The following ZNF638 variants were observed in gnomAD, a reference collection of about 807,000 sequenced individuals.
ZNF638 encodes the protein CTCL tumor antigen se33-1.
ZNF638 carries 46 observed loss-of-function variants against 195.6 expected under a neutral mutation model. The observed-to-expected ratio is 0.24, with a 90% CI of 0.19 to 0.30. The LOEUF (loss-of-function observed/expected upper bound fraction) is 0.30. Ranked by LOEUF, ZNF638 falls within the 10% of genes least tolerant of loss-of-function variation. The pLI, the probability that ZNF638 is intolerant of heterozygous loss-of-function variation, is 1.00. For synonymous variants in ZNF638, 845 were observed against 772.0 expected (o/e 1.09, Z -1.57); for missense variants, 2,440 against 2,325.3 (o/e 1.05, Z -1.01).
chr2:71,389,925 C>T (rs749582867), intron 10 of ZNF638, among the ~76,000 whole-genome samples: 3 of 152,156 alleles, frequency 2.0e-5, no homozygotes, highest in South Asian at 2.1e-4. Flanking sequence ...TACACGAGCA[C>T]GTCAACTGGT....
At chr2:71,344,854 T>G (rs2078824314) in intron 1 of ZNF638, among the ~76,000 whole-genome samples, 3 of 152,224 alleles carry the variant, frequency 2.0e-5, no homozygotes, top group African/African-American at 7.2e-5. Context: ...ACAAGCATCC[T>G]TTTAGTTAAA....
chr2:71,419,389 ACAG>A (rs2152597719), intron 21 of ZNF638, among the ~76,000 whole-genome samples: 1 of 152,300 alleles, frequency 6.6e-6, no homozygotes, highest in South Asian at 2.1e-4. Context: ...TTTGTTTGAA[ACAG>A]CAGTTTGAAA....
chr2:71,427,595 A>G (rs887322743), intron 24 of ZNF638, among the ~76,000 whole-genome samples, 181 bp downstream of exon 24: 4 of 152,220 alleles, frequency 2.6e-5, no homozygotes, highest in Non-Finnish European at 5.9e-5. Flanking sequence ...ACAGTTTTTT[A>G]AAGTTTTACA....
rs1473662234 is a variant in ZNF638, at chr2:71,349,666, G to T, written c.712G>T (p.Val238Phe). ...TGATCCTGAAATTCCAACTGATGAGGTCGAGAATGAATTTCAGTCACAGCA... is the reference window on the plus strand; with the variant it reads ...TGATCCTGAAATTCCAACTGATGAGTTCGAGAATGAATTTCAGTCACAGCA... The part of the protein sequence containing the change: ...IYDPEIPTDE[V>F]ENEFQSQQNI... The change falls in exon 2 of 28, where the codon GTC (valine) becomes TTC (phenylalanine). Residue 238 changes from valine to phenylalanine, a missense_variant. This residue lies in a region of ZNF638 where 305 missense variants were observed against 283.6 expected (regional missense o/e 1.08). Coordinates refer to ENST00000264447, the MANE Select transcript of ZNF638 (RefSeq NM_014497.5). 6.2e-7 allele frequency: 1 copy of T among 1,614,046 alleles called. No homozygotes were observed. Among genetic ancestry groups the T allele is most frequent in the East Asian group, 2.2e-5 (1 of 44,896 alleles).
chr2:71,433,026 G>A, intron 26 of ZNF638, 139 bp from the exon 27 acceptor site: 1 of 691,116 alleles, frequency 1.4e-6, no homozygotes, highest in South Asian at 1.7e-5. Context: ...GGCAGAGGTT[G>A]CAGTGAGCTG....
At chr2:71,411,474 A>AT (rs537942317) in intron 20 of ZNF638, among the ~76,000 whole-genome samples, 58,192 of 122,314 alleles carry the variant, frequency 0.48, 14,683 homozygotes, top group East Asian at 0.84. Flanking sequence ...TTTATTTTTA[A>AT]TTTTTTTTTT....
At chr2:71,358,187 A>G (rs548200608) in intron 3 of ZNF638, among the ~76,000 whole-genome samples, 6 of 152,282 alleles carry the variant, frequency 3.9e-5, no homozygotes, top group African/African-American at 1.4e-4. Context: ...CTGCTATTAG[A>G]AAGACACTGG....
chr2:71,403,304 G>A (rs2104437529), intron 16 of ZNF638, among the ~76,000 whole-genome samples: 1 of 152,142 alleles, frequency 6.6e-6, no homozygotes, highest in South Asian at 2.1e-4. Flanking sequence ...CAAACATACA[G>A]CTTTCTACCT....
intron 1 of ZNF638, chr2:71,332,752 A>G (rs1457642238): frequency 6.6e-6 from 1 of 152,224 alleles, no homozygotes; most frequent in Non-Finnish European, 1.5e-5. Context: ...ATACTTCAGT[A>G]TTACAAAATC....
chr2:71,364,047 A>G lies in ZNF638; in HGVS notation c.1512A>G (p.Arg504=). Residue 504 remains arginine, a synonymous_variant, in exon 5 of 28, where the codon AGA becomes AGG. Transcript: ENST00000264447. ...CTAGAAGATCAAGCTCAAGTCACAGATTCCGTCGGTCTCGAAGCCCAATGC... is the reference window on the plus strand; with the variant it reads ...CTAGAAGATCAAGCTCAAGTCACAGGTTCCGTCGGTCTCGAAGCCCAATGC... The part of the protein sequence containing the change: ...RRSRRSSSSH[R]FRRSRSPMHY... 1 of 1,614,224 alleles carries G rather than the reference A, an allele frequency of 6.2e-7. No individual in the cohort carries two copies. Among genetic ancestry groups the G allele is most frequent in the African/African-American group, 1.3e-5 (1 of 75,064 alleles).
chr2:71,335,954 A>G (rs2078659234), intron 1 of ZNF638, among the ~76,000 whole-genome samples: 1 of 152,232 alleles, frequency 6.6e-6, no homozygotes, highest in Non-Finnish European at 1.5e-5. Context: ...TCAAGTCTAT[A>G]AACTCCCCAC....
At chr2:71,428,257 C>CTAAAAT (rs2080580599) in intron 24 of ZNF638, among the ~76,000 whole-genome samples, 2 of 152,094 alleles carry the variant, frequency 1.3e-5, no homozygotes, top group African/African-American at 4.8e-5. Flanking sequence ...AGGAAGGTCC[C>CTAAAAT]ACAGGCTTAT....
In ZNF638 at chr2:71,401,848, C is replaced by A. The variant is rs1052707713; in HGVS notation, c.2698-108C>A. On this transcript the variant is annotated intron_variant, in intron 15 of 27. Coordinates refer to ENST00000264447, the MANE Select transcript of ZNF638 (RefSeq NM_014497.5). ...CCTCTTGAGTTTATCAGACTTTCCT[C>A]AGTATTAAATGCAACAATATACTAA... The A allele has an allele frequency of 1.2e-5, 11 of 955,668 alleles. No individual in the cohort carries two copies. In the East Asian group the frequency reaches 3.1e-4, roughly 27 times the overall value. The allele number at this position is 955,668 out of a possible 1,614,324, so 59.2% of individuals were successfully genotyped here. A position where few individuals can be genotyped will look rare whatever the true frequency, so the allele number is the denominator to read the frequency against.
chr2:71,336,644 T>C (rs1343431639), intron 1 of ZNF638, among the ~76,000 whole-genome samples: 1 of 152,190 alleles, frequency 6.6e-6, no homozygotes. Flanking sequence ...CAATGGGTAC[T>C]GTTGTTTCAT....
intron 2 of ZNF638, among the ~76,000 whole-genome samples, chr2:71,352,581 G>C (rs1458767076): frequency 1.3e-5 from 2 of 152,060 alleles, no homozygotes; most frequent in African/African-American, 4.8e-5. Flanking sequence ...TTTCATTGTG[G>C]TAGGAGGCAG....
intron 15 of ZNF638, 55 bp from the exon 16 acceptor site, chr2:71,401,898 TTAA>T: frequency 6.9e-7 from 1 of 1,454,398 alleles, no homozygotes; most frequent in South Asian, 1.4e-5. Context: ...CAGTATAAAC[TTAA>T]GTAAATATGA....
At chr2:71,352,502 A>AT (rs1444505712) in intron 2 of ZNF638, among the ~76,000 whole-genome samples, 3 of 151,492 alleles carry the variant, frequency 2.0e-5, no homozygotes, top group Non-Finnish European at 2.9e-5. Context: ...AAATAAAAAA[A>AT]AAAAAAAAGA....
At chr2:71,371,990 T>G (rs1014759240) in intron 8 of ZNF638, among the ~76,000 whole-genome samples, 1 of 152,202 alleles carries the variant, frequency 6.6e-6, no homozygotes, top group Non-Finnish European at 1.5e-5. Flanking sequence ...CAGACTGATG[T>G]CCTGGAGAGA....
At chr2:71,405,250 T>C (rs1003242415) in intron 17 of ZNF638, among the ~76,000 whole-genome samples, 1 of 152,200 alleles carries the variant, frequency 6.6e-6, no homozygotes, top group African/African-American at 2.4e-5. Flanking sequence ...TTCTTTCTCA[T>C]CTCCTACTTT....
Sources: allele counts gnomAD v4.1 joint callset (sites outside exome capture counted in the v4.1 genomes callset), GRCh38; gene constraint gnomAD v4.1.1; regional missense constraint gnomAD v4.1.1; transcripts MANE v1.5; gene names NCBI Gene and HGNC (gene_info 2026-07-23, HGNC 2026-07-21).